Variants in QRICH2 observed in about 807,000 individuals in gnomAD.
The protein encoded by QRICH2 is glutamine rich 2, also known as glutamine-rich protein 2.
Under a neutral mutation model 168.3 loss-of-function variants are expected in QRICH2, and 119 were observed. The observed-to-expected ratio is 0.71, with a 90% CI of 0.61 to 0.82. The LOEUF (loss-of-function observed/expected upper bound fraction) is 0.82, where lower values mean the gene tolerates loss of function less well. Ranked by LOEUF, QRICH2 falls within the 40% of genes least tolerant of loss-of-function variation. The pLI, the probability that QRICH2 is intolerant of heterozygous loss-of-function variation, is 0.00. For missense variants in QRICH2, 2,241 were observed against 2,491.6 expected (o/e 0.90, Z 2.14); for synonymous variants, 894 against 951.2 (o/e 0.94, Z 1.11).
intron 1 of QRICH2, among the ~76,000 whole-genome samples, chr17:76,306,008 A>C (rs764587743): frequency 2.0e-5 from 3 of 151,740 alleles, no homozygotes; most frequent in African/African-American, 4.8e-5. Context: ...CATCTCTACT[A>C]AAAGTACAAA....
chr17:76,287,656 A>G (rs1345554142), intron 6 of QRICH2, 144 bp downstream of exon 6: 1 of 683,426 alleles, frequency 1.5e-6, no homozygotes, highest in African/African-American at 1.8e-5. Flanking sequence ...TGAACTAGAC[A>G]TGGACAATGT....
intron 12 of QRICH2, among the ~76,000 whole-genome samples, chr17:76,279,678 G>A (rs57617983): frequency 0.33 from 50,765 of 152,024 alleles, 8,762 homozygotes; most frequent in African/African-American, 0.39. Flanking sequence ...TGGCGGCCAC[G>A]AATGGGAATC....
At chr17:76,279,575 G>A in intron 12 of QRICH2, 147 bp from the exon 13 acceptor site, 1 of 662,220 alleles carries the variant, frequency 1.5e-6, no homozygotes, top group Non-Finnish European at 2.6e-6. Context: ...TCCCACCTCT[G>A]GGCTCACATC....
rs188525181 is a variant in QRICH2 at position 76,305,801 on chromosome 17, A to G, written c.535-860T>C. On this transcript the variant is annotated intron_variant, in intron 1 of 18. Coordinates refer to ENST00000680821, the MANE Select transcript of QRICH2 (RefSeq NM_001388453.1). ...ATCATATTTGGGATTAAGAAAAAAT[A>G]TATTAATAAACAAAAATAAAACAAG... Among the ~76,000 whole-genome samples the G allele has an allele frequency of 4.2e-4, 64 of 152,364 alleles. No individual in the cohort carries two copies. In the South Asian group the frequency reaches 4.6e-3, roughly 11 times the overall value.
rs201506232 is a variant in QRICH2 at position 76,291,446 on chromosome 17, G to A, written c.3281C>T (p.Ala1094Val). 6.2e-7 allele frequency: 1 copy of A among 1,614,002 alleles called. No individual in the cohort carries two copies. Among genetic ancestry groups the A allele is most frequent in the East Asian group, 2.2e-5 (1 of 44,894 alleles). ...GAGAGAGAAAGCATGGCCATGCTGA[G>A]CTGCATCTGGGTATACCTGGTCATG... ...GEHDQVYPDAAQHGHAFSLFD... is the reference protein window; with the variant it reads ...GEHDQVYPDAVQHGHAFSLFD... Residue 1094 changes from alanine to valine, a missense_variant, in exon 4 of 19, where the codon GCT becomes GTT. Around this residue, in one of 3 missense-constraint regions of QRICH2, gnomAD observed 2,047 missense variants for 2,303.8 expected, o/e 0.89. Coordinates refer to ENST00000680821, the MANE Select transcript of QRICH2 (RefSeq NM_001388453.1).
upstream of QRICH2, chr17:76,309,550 A>T (rs776238606): frequency 3.9e-5 from 6 of 152,240 alleles, no homozygotes; most frequent in Non-Finnish European, 7.3e-5. Context: ...GGCTACTTAA[A>T]GAGAACCTAT....
rs963980092 is a variant in QRICH2, at chr17:76,292,246, A to G, written c.2481T>C (p.Asp827=). 32 of 1,606,694 alleles carry G rather than the reference A, an allele frequency of 2.0e-5. No homozygotes were observed. The Admixed American group carries it at 5.4e-4, about 27-fold the overall frequency. ...VQRGLVQPGV[D]QRGLVQPGAV... ...CACCAGGTTGAACCAAACCACGCTG[A>G]TCCACTCCAGGTTGGACCAAACCAC... Residue 827 remains aspartate (D), a synonymous_variant, in exon 4 of 19, where the codon GAT becomes GAC. Coordinates refer to ENST00000680821, the MANE Select transcript of QRICH2 (RefSeq NM_001388453.1).
intron 4 of QRICH2, among the ~76,000 whole-genome samples, chr17:76,290,652 T>C (rs1568115477): frequency 6.6e-6 from 1 of 152,184 alleles, no homozygotes. Flanking sequence ...CCCAAGGTGC[T>C]GGGATTACAG....
Position 76,274,245 on chromosome 17 carries a change from T to C in QRICH2, c.5498A>G (p.Gln1833Arg). ...GCCCTCGGAGGAAGGTCTATCTTTC[T>C]GTTGACGAGAAGAAACTGTAAGACA... Reference protein sequence around the residue: ...AGNTSVSSRQQKDRPSSEGRL... With the variant: ...AGNTSVSSRQRKDRPSSEGRL... The change falls in exon 19 of 19, where the codon CAG (glutamine) becomes CGG (arginine). Residue 1833 changes from glutamine to arginine, a missense_variant. Physicochemically the swap from Gln to Arg is conservative, Grantham distance 43. This residue lies in a region of QRICH2 where 189 missense variants were observed against 169.3 expected (regional missense o/e 1.12). Transcript: ENST00000680821. The C allele has an allele frequency of 6.3e-7, 1 of 1,591,526 alleles. No homozygotes were observed.
In QRICH2 at chr17:76,277,326, G is replaced by A. The variant is rs769420938; in HGVS notation, c.5118-16C>T. Reference sequence around the variant, plus strand: ...ATCTGTCACCCTGTGATGAAGACAGGATGGAGTCATTGGGAGCAGACCACC... The same window carrying A: ...ATCTGTCACCCTGTGATGAAGACAGAATGGAGTCATTGGGAGCAGACCACC... On this transcript the variant is annotated splice_polypyrimidine_tract_variant and intron_variant, in intron 15 of 18. Transcript: ENST00000680821. 1.9e-6 allele frequency: 3 copies of A among 1,608,130 alleles called. No homozygotes were observed. The highest frequency in any genetic ancestry group is 1.3e-5 in the African/African-American group (1 of 74,626).
intron 3 of QRICH2, among the ~76,000 whole-genome samples, chr17:76,297,943 A>G (rs1247553890): frequency 6.9e-6 from 1 of 144,026 alleles, no homozygotes; most frequent in African/African-American, 2.6e-5. Context: ...CAGTGGCACA[A>G]TCTCAGCTCA....
intron 3 of QRICH2, among the ~76,000 whole-genome samples, chr17:76,300,610 C>T (rs1418807271): frequency 6.6e-6 from 1 of 152,102 alleles, no homozygotes; most frequent in South Asian, 2.1e-4. Context: ...GGAAATTGTG[C>T]GGTGTGCCTG....
chr17:76,305,065 T>C lies in QRICH2; in HGVS notation c.535-124A>G, dbSNP rs2070970532. 3 of 745,852 alleles carry C rather than the reference T, an allele frequency of 4.0e-6. No homozygotes were observed. The South Asian group carries it at 4.3e-5, about 11-fold the overall frequency. 46.2% of individuals were successfully genotyped at this position (745,852 alleles called of 1,614,324 possible). A position where few individuals can be genotyped will look rare whatever the true frequency, so the allele number is the denominator to read the frequency against. ...GACACACACATGCATACACGCACAT[T>C]CACACACTGACTCAGTGCCAGGAGA... On this transcript the variant is annotated intron_variant, in intron 1 of 18. Coordinates refer to ENST00000680821, the MANE Select transcript of QRICH2 (RefSeq NM_001388453.1).
chr17:76,301,588 T>C (rs1196713468), intron 3 of QRICH2: 1 of 155,764 alleles, frequency 6.4e-6, no homozygotes, highest in African/African-American at 2.4e-5. Flanking sequence ...AGAAGTCCAT[T>C]TGGGACTCAA....
intron 12 of QRICH2, among the ~76,000 whole-genome samples, chr17:76,279,748 A>G (rs923562474): frequency 1.3e-5 from 2 of 152,180 alleles, no homozygotes; most frequent in African/African-American, 2.4e-5. Flanking sequence ...GAGCTGTCTC[A>G]GCTCTGGGTA....
Position 76,280,600 on chromosome 17 carries a change from C to G in QRICH2, c.4461+54G>C. ...CCCCTCCACTCAGTCTCTCAAAGAA[C>G]AGTCAGCGAGACCGCCCTGGGACAC... On this transcript the variant is annotated intron_variant, in intron 10 of 18. Coordinates refer to ENST00000680821, the MANE Select transcript of QRICH2 (RefSeq NM_001388453.1). The surrounding 1 kb of genome is among the most constrained non-coding windows in gnomAD (Gnocchi z 7.4). The G allele has an allele frequency of 6.2e-7, 1 of 1,606,902 alleles. No individual in the cohort carries two copies. Among genetic ancestry groups the G allele is most frequent in the Non-Finnish European group, 8.5e-7 (1 of 1,173,690 alleles).
rs1299257365 is a variant in QRICH2 at position 76,307,197 on chromosome 17, G to T, written c.534+268C>A. 6.6e-6 allele frequency among the ~76,000 whole-genome samples: 1 copy of T among 152,156 alleles called. No individual in the cohort carries two copies. Among genetic ancestry groups the T allele is most frequent in the Non-Finnish European group, 1.5e-5 (1 of 68,014 alleles). ...TGGGGCCACTACACTTAGGAGGTGG[G>T]GTCCCCAGGCCCCTCCAGCTCGGGG... On this transcript the variant is annotated intron_variant, in intron 1 of 18. Transcript: ENST00000680821. This position sits in a 1 kb window ranked among gnomAD's most constrained non-coding sequence, Gnocchi z 5.3.
chr17:76,275,084 G>A (rs1380289089), intron 18 of QRICH2, among the ~76,000 whole-genome samples: 1 of 152,170 alleles, frequency 6.6e-6, no homozygotes, highest in African/African-American at 2.4e-5. Context: ...GCAGGGGAGG[G>A]TGGAGGCTCT....
rs750759553 is a variant in QRICH2 at position 76,281,818 on chromosome 17, G to A, written c.4263+46C>T. On this transcript the variant is annotated intron_variant, in intron 8 of 18. Transcript: ENST00000680821. This position sits in a 1 kb window ranked among gnomAD's most constrained non-coding sequence, Gnocchi z 4.4. Reference sequence around the variant, plus strand: ...CTGCAGCAGGGTGGCCCTCCTCTGTGGGGCCATGTCCAGTTGCAGCAGGAG... The same window carrying A: ...CTGCAGCAGGGTGGCCCTCCTCTGTAGGGCCATGTCCAGTTGCAGCAGGAG... 2 of 1,597,196 alleles carry A rather than the reference G, an allele frequency of 1.3e-6. No homozygotes were observed. Among genetic ancestry groups the A allele is most frequent in the Non-Finnish European group, 1.7e-6 (2 of 1,168,130 alleles).
Sources: gnomAD v4.1 joint callset for allele counts (sites outside exome capture counted in the v4.1 genomes callset) on GRCh38, gnomAD v4.1.1 for gene constraint, gnomAD v4.1.1 regional missense constraint, Gnocchi (gnomAD v3.1) non-coding constraint, MANE v1.5 for transcripts, NCBI Gene and HGNC (gene_info 2026-07-23, HGNC 2026-07-21) for gene names.